The following ABHD4 variants were observed in gnomAD, a reference collection of about 807,000 sequenced individuals.
The protein encoded by ABHD4 is (Lyso)-N-acylphosphatidylethanolamine lipase.
Under a neutral mutation model 42.3 loss-of-function variants are expected in ABHD4, and 35 were observed. The ratio of observed to expected loss-of-function variants is 0.83; its 90% confidence interval spans 0.63 to 1.10. The LOEUF (loss-of-function observed/expected upper bound fraction) is 1.10. Ranked by LOEUF, ABHD4 falls within the 50% of genes least tolerant of loss-of-function variation. The pLI, the probability that ABHD4 is intolerant of heterozygous loss-of-function variation, is 0.00. For missense variants in ABHD4, 389 were observed against 454.8 expected (o/e 0.86, Z 1.32); for synonymous variants, 169 against 170.6 (o/e 0.99, Z 0.07).
intron 5 of ABHD4, among the ~76,000 whole-genome samples, chr14:22,608,724 A>G (rs1242928): frequency 0.19 from 28,686 of 152,006 alleles, 2,832 homozygotes; most frequent in Admixed American, 0.22. Flanking sequence ...TGTTTTTGAG[A>G]TGGAGGTTTG....
At position 22,611,575 on chromosome 14, in the gene ABHD4, T is replaced by A. The variant is rs556138552; in HGVS notation, c.*627T>A. ...GTGATACAGCTCTGTGTGATTCAAG[T>A]TCTGGCAGAGCTTGTAAGGCTAGAG... On this transcript the variant is annotated 3_prime_UTR_variant, in exon 7 of 7. Transcript: ENST00000428304. The A allele has an allele frequency of 6.6e-6, 1 of 152,668 alleles. No homozygotes were observed. The highest frequency in any genetic ancestry group is 2.1e-4 in the South Asian group (1 of 4,844). 9.5% of individuals were successfully genotyped at this position (152,668 alleles called of 1,614,324 possible). A position where few individuals can be genotyped will look rare whatever the true frequency, so the allele number is the denominator to read the frequency against.
chr14:22,601,743 A>G lies in ABHD4; in HGVS notation c.100A>G (p.Arg34Gly). The G allele has an allele frequency of 6.2e-7, 1 of 1,614,148 alleles. No homozygotes were observed. Among genetic ancestry groups the G allele is most frequent in the African/African-American group, 1.3e-5 (1 of 75,042 alleles). ...SMSQLKNVEA[R>G]ILQCLQNKFL... ...GTCTCAGCTGAAGAATGTGGAAGCC[A>G]GGATCCTCCAGTGTAAGTAGAATGG... is the stretch of plus-strand genomic sequence containing the variant. Residue 34 changes from arginine to glycine, a missense_variant, in exon 2 of 7, where the codon AGG (arginine) becomes GGG (glycine). Around this residue, in one of 3 missense-constraint regions of ABHD4, gnomAD observed 102 missense variants for 128.3 expected, o/e 0.80. Transcript: ENST00000428304.
chr14:22,604,872 A>C (rs1036312225), intron 4 of ABHD4, among the ~76,000 whole-genome samples: 1 of 152,108 alleles, frequency 6.6e-6, no homozygotes, highest in African/African-American at 2.4e-5. Flanking sequence ...AGCCTCCCAA[A>C]GTGCTGGGAT....
chr14:22,602,721 C>T (rs376637709), intron 2 of ABHD4, among the ~76,000 whole-genome samples: 1 of 152,152 alleles, frequency 6.6e-6, no homozygotes, highest in Non-Finnish European at 1.5e-5. Flanking sequence ...ATAAGACGGT[C>T]CCGCTTATTA....
At chr14:22,604,664 CA>C (rs2037328653) in intron 4 of ABHD4, among the ~76,000 whole-genome samples, 1 of 152,112 alleles carries the variant, frequency 6.6e-6, no homozygotes, top group Non-Finnish European at 1.5e-5. Flanking sequence ...GGCTGATGTG[CA>C]GTGGTGTGAT....
chr14:22,606,186 G>T (rs1409507263), intron 4 of ABHD4, among the ~76,000 whole-genome samples: 1 of 152,196 alleles, frequency 6.6e-6, no homozygotes, highest in Non-Finnish European at 1.5e-5. Context: ...GCTCCTCAGT[G>T]TTGTTAGATT....
chr14:22,610,048 C>G, intron 6 of ABHD4, 138 bp downstream of exon 6: 1 of 791,656 alleles, frequency 1.3e-6, no homozygotes, highest in East Asian at 2.9e-5. Flanking sequence ...AGTTTGGAAA[C>G]TCTCTTTGGA....
In ABHD4 at chr14:22,598,349, T is replaced by TTCTC. The variant is rs1327926765; in HGVS notation, c.23+24_23+27dup. ...GCAGCAGTGAGTTAATCCTGTCCCT[T>TTCTC]TCTCTCTTTCTCTCTCTCTCTCTGG... On this transcript the variant is annotated intron_variant, in intron 1 of 6. Coordinates refer to ENST00000428304, the MANE Select transcript of ABHD4 (RefSeq NM_022060.3). The TTCTC allele has an allele frequency of 1.3e-6, 2 of 1,551,416 alleles. No individual in the cohort carries two copies. Among genetic ancestry groups the TTCTC allele is most frequent in the South Asian group, 2.4e-5 (2 of 84,068 alleles).
At chr14:22,598,672 G>T (rs1179628428) in intron 1 of ABHD4, 1 of 458,936 alleles carries the variant, frequency 2.2e-6, no homozygotes, top group Non-Finnish European at 4.0e-6. Context: ...CGCGGGTGCG[G>T]AGGTAGCAGC....
intron 1 of ABHD4, among the ~76,000 whole-genome samples, chr14:22,600,829 GGGGTGTGTGTGTGTGTGTGT>G (rs1398341497): frequency 6.4e-5 from 8 of 125,144 alleles, no homozygotes; most frequent in African/African-American, 2.2e-4. Flanking sequence ...GTCCAGCAGG[GGGGTGTGTGTGTGTGTGTGT>G]GTGTGTGTGT....
intron 1 of ABHD4, among the ~76,000 whole-genome samples, chr14:22,600,831 G>GGGGT (rs1425183297): frequency 8.1e-4 from 53 of 65,222 alleles, no homozygotes; most frequent in Non-Finnish European, 1.3e-3. Context: ...CCAGCAGGGG[G>GGGGT]GTGTGTGTGT....
At chr14:22,604,799 G>A (rs973466371) in intron 4 of ABHD4, among the ~76,000 whole-genome samples, 5 of 152,054 alleles carry the variant, frequency 3.3e-5, no homozygotes, top group East Asian at 3.9e-4. Flanking sequence ...CAGTAGAGAC[G>A]GGGTTTCACC....
Position 22,606,522 on chromosome 14 carries a change from A to G in ABHD4, c.741A>G (p.Ala247=), listed in dbSNP as rs769863425. ...CAGAGTATATTTACCACTGCAACGCACAGAATCCCAGGTGAGGGCCGCTCC... is the reference window on the plus strand; with the variant it reads ...CAGAGTATATTTACCACTGCAACGCGCAGAATCCCAGGTGAGGGCCGCTCC... ...TISEYIYHCN[A]QNPSGETAFK... The change falls in exon 5 of 7, where the codon GCA becomes GCG. Residue 247 remains alanine (A), a synonymous_variant. Coordinates refer to ENST00000428304, the MANE Select transcript of ABHD4 (RefSeq NM_022060.3). 6.8e-6 allele frequency: 11 copies of G among 1,611,890 alleles called. No individual in the cohort carries two copies. The highest frequency in any genetic ancestry group is 8.5e-6 in the Non-Finnish European group (10 of 1,178,944).
intron 5 of ABHD4, 85 bp downstream of exon 5, chr14:22,606,618 CT>C: frequency 2.1e-6 from 2 of 931,856 alleles, no homozygotes; most frequent in South Asian, 2.9e-5. Context: ...GGCTTTATTT[CT>C]TCTTCAACAA....
chr14:22,600,937 A>AC (rs1393589295), intron 1 of ABHD4, among the ~76,000 whole-genome samples: 1 of 151,494 alleles, frequency 6.6e-6, no homozygotes, highest in African/African-American at 2.4e-5. Context: ...CCTGGGTATG[A>AC]AGGAGAAAAC....
In ABHD4 at chr14:22,601,733, T is replaced by C. The variant is rs1167303164; in HGVS notation, c.90T>C (p.Asn30=). 3 of 1,614,148 alleles carry C rather than the reference T, an allele frequency of 1.9e-6. No homozygotes were observed. The highest frequency in any genetic ancestry group is 1.7e-5 in the Admixed American group (1 of 60,026). ...WRPTSMSQLK[N]VEARILQCLQ... ...CCACTTCCATGTCTCAGCTGAAGAA[T>C]GTGGAAGCCAGGATCCTCCAGTGTA... is the stretch of plus-strand genomic sequence containing the variant. Residue 30 remains asparagine, a synonymous_variant, in exon 2 of 7, where the codon AAT becomes AAC. Coordinates refer to ENST00000428304, the MANE Select transcript of ABHD4 (RefSeq NM_022060.3).
At chr14:22,601,601 C>G (rs1300846924) in intron 1 of ABHD4, 66 bp from the exon 2 acceptor site, 4 of 1,466,882 alleles carry the variant, frequency 2.7e-6, no homozygotes, top group Non-Finnish European at 3.8e-6. Flanking sequence ...TAACTCTCAG[C>G]AAGGCTAAGA....
chr14:22,609,538 C>A, intron 5 of ABHD4, 186 bp from the exon 6 acceptor site: 1 of 573,916 alleles, frequency 1.7e-6, no homozygotes, highest in Non-Finnish European at 3.0e-6. Flanking sequence ...AGTGTTCCTC[C>A]GAACTCTTCT....
rs2037388017 is a variant in ABHD4 at position 22,609,633 on chromosome 14, A to G, written c.753-91A>G. On this transcript the variant is annotated intron_variant, in intron 5 of 6. Coordinates refer to ENST00000428304, the MANE Select transcript of ABHD4 (RefSeq NM_022060.3). Reference sequence around the variant, plus strand: ...CAGTGTGGGGCTTTGACAGGAATACAAAGGTGACTAAGATTCTGCCTCAGT... The same window carrying G: ...CAGTGTGGGGCTTTGACAGGAATACGAAGGTGACTAAGATTCTGCCTCAGT... 5 of 1,397,300 alleles carry G rather than the reference A, an allele frequency of 3.6e-6. No individual in the cohort carries two copies. In the East Asian group the frequency reaches 1.1e-4, roughly 32 times the overall value. 86.6% of individuals were successfully genotyped at this position (1,397,300 alleles called of 1,614,324 possible).
Sources: allele counts gnomAD v4.1 joint callset (sites outside exome capture counted in the v4.1 genomes callset), GRCh38; gene constraint gnomAD v4.1.1; regional missense constraint gnomAD v4.1.1; transcripts MANE v1.5; gene names NCBI Gene and HGNC (gene_info 2026-07-23, HGNC 2026-07-21).